Variants in BCAS4 observed in about 807,000 individuals in gnomAD.
BCAS4 encodes the protein breast carcinoma amplified sequence 4.
In BCAS4, 9 loss-of-function variants were observed where a neutral mutation model predicts 15.7. The ratio of observed to expected loss-of-function variants is 0.57; its 90% CI spans 0.34 to 1.00. BCAS4 has a LOEUF of 1.00. BCAS4 is among the 50% of genes least tolerant of loss of function. The pLI is 0.02. For synonymous variants in BCAS4, 101 were observed against 99.5 expected (o/e 1.02, Z -0.09); for missense variants, 225 against 239.1 (o/e 0.94, Z 0.39).
intron 4 of BCAS4, among the ~76,000 whole-genome samples, chr20:50,852,707 G>A (rs1368092225): frequency 1.3e-5 from 2 of 152,198 alleles, no homozygotes; most frequent in South Asian, 4.1e-4. Flanking sequence ...TTAAAAGAGC[G>A]GATGCAGATT....
At chr20:50,841,941 C>A in intron 4 of BCAS4, 41 bp downstream of exon 4, 1 of 1,523,096 alleles carries the variant, frequency 6.6e-7, no homozygotes, top group East Asian at 2.3e-5. Context: ...GGGCCTCTCC[C>A]CCTTCGCTCC....
rs117670557 is a variant in BCAS4, at chr20:50,850,879, C to T, written c.399+8979C>T. On this transcript the variant is annotated intron_variant, in intron 4 of 4. Transcript: ENST00000371608. Reference sequence around the variant, plus strand: ...CCTGCCTCCCAGATTTCTTAGGGGGCGTGTCCAGGCACTGGAAGGCTGGAG... The same window carrying T: ...CCTGCCTCCCAGATTTCTTAGGGGGTGTGTCCAGGCACTGGAAGGCTGGAG... 7.4e-3 allele frequency among the ~76,000 whole-genome samples: 1,122 copies of T among 152,274 alleles called. 6 individuals carry two copies. The highest frequency in any genetic ancestry group is 0.014 in the Middle Eastern group (4 of 294).
At chr20:50,863,938 T>A (rs1292692960) in intron 4 of BCAS4, among the ~76,000 whole-genome samples, 1 of 152,234 alleles carries the variant, frequency 6.6e-6, no homozygotes, top group African/African-American at 2.4e-5. Context: ...CAAATCCATC[T>A]GCTCATGTGC....
intron 4 of BCAS4, among the ~76,000 whole-genome samples, chr20:50,868,277 AG>A (rs1979455883): frequency 6.6e-6 from 1 of 152,266 alleles, no homozygotes; most frequent in Non-Finnish European, 1.5e-5. Context: ...CTTTGAAAGC[AG>A]GTCACTAAGT....
At chr20:50,849,674 C>T (rs913469053) in intron 4 of BCAS4, among the ~76,000 whole-genome samples, 21 of 152,334 alleles carry the variant, frequency 1.4e-4, no homozygotes, top group African/African-American at 5.1e-4. Context: ...CTTTGCCTGG[C>T]GCCAGCCTCG....
At position 50,818,300 on chromosome 20, in the gene BCAS4, A is replaced by T; in HGVS notation, c.162+18A>T. 6.2e-7 allele frequency: 1 copy of T among 1,610,676 alleles called. No homozygotes were observed. The highest frequency in any genetic ancestry group is 8.5e-7 in the Non-Finnish European group (1 of 1,178,648). On this transcript the variant is annotated intron_variant, in intron 2 of 4. Coordinates refer to ENST00000371608, the MANE Select transcript of BCAS4 (RefSeq NM_198799.4). ...CTGACCTGGTGAGTGGCTGCCTGGA[A>T]GGCGTGGGTTTAGGCCCAGGCCAGA... is the stretch of plus-strand genomic sequence containing the variant.
rs1979957745 is a variant in BCAS4 at position 50,876,532 on chromosome 20, A to G, written c.446A>G (p.Tyr149Cys). The change falls in exon 5 of 5, where the codon TAT becomes TGT. Residue 149 changes from tyrosine to cysteine, a missense_variant. By Grantham distance (194) the Tyr-to-Cys change is radical. Transcript: ENST00000371608. ...GTGACGTACGAGCTGCCCACACTGT[A>G]TAGGACGGAGGACTATTTTCCTGTG... is the stretch of plus-strand genomic sequence containing the variant. ...VPVTYELPTL[Y>C]RTEDYFPVDA... 11 of 1,613,898 alleles carry G rather than the reference A, an allele frequency of 6.8e-6. No homozygotes were observed. Among genetic ancestry groups the G allele is most frequent in the African/African-American group, 1.3e-5 (1 of 74,898 alleles).
chr20:50,803,246 A>C (rs57527380), intron 1 of BCAS4, among the ~76,000 whole-genome samples: 21,166 of 152,276 alleles, frequency 0.14, 1,563 homozygotes, highest in South Asian at 0.16. Flanking sequence ...CCAGTGCCAT[A>C]GCGATTCTTC....
At chr20:50,797,570 G>A (rs952812331) in intron 1 of BCAS4, among the ~76,000 whole-genome samples, 4 of 151,936 alleles carry the variant, frequency 2.6e-5, no homozygotes, top group African/African-American at 7.3e-5. Flanking sequence ...AAAATAACAC[G>A]AACAAAAATT....
intron 1 of BCAS4, among the ~76,000 whole-genome samples, chr20:50,809,588 G>C (rs1392545894): frequency 6.6e-6 from 1 of 152,030 alleles, no homozygotes; most frequent in Admixed American, 6.6e-5. Context: ...GGCTGTGAGG[G>C]CTCTTTTTTG....
At chr20:50,827,078 C>T (rs930098781) in intron 2 of BCAS4, among the ~76,000 whole-genome samples, 6 of 152,208 alleles carry the variant, frequency 3.9e-5, no homozygotes, top group African/African-American at 1.2e-4. Context: ...CTGAACTCCA[C>T]GCTTTGTTTT....
At chr20:50,863,563 G>C (rs2123839533) in intron 4 of BCAS4, among the ~76,000 whole-genome samples, 1 of 152,222 alleles carries the variant, frequency 6.6e-6, no homozygotes, top group East Asian at 1.9e-4. Flanking sequence ...CGGCCTAGTT[G>C]GTGCTATTTT....
chr20:50,837,431 A>G (rs1471488523), intron 3 of BCAS4, among the ~76,000 whole-genome samples: 1 of 152,194 alleles, frequency 6.6e-6, no homozygotes, highest in Non-Finnish European at 1.5e-5. Context: ...CCAGGGGGGA[A>G]AATGTGTTCA....
At position 50,851,417 on chromosome 20, in the gene BCAS4, G is replaced by A. The variant is rs1438705613; in HGVS notation, c.399+9517G>A. ...TTTCCTTCAAGGTCTTTGGTGGAGT[G>A]CTATAGGGGGACGGAGGGTTCCTGG... On this transcript the variant is annotated intron_variant, in intron 4 of 4. Coordinates refer to ENST00000371608, the MANE Select transcript of BCAS4 (RefSeq NM_198799.4). The surrounding 1 kb of genome is among the most constrained non-coding windows in gnomAD (Gnocchi z 4.3). 8.5e-5 allele frequency among the ~76,000 whole-genome samples: 13 copies of A among 152,166 alleles called. No homozygotes were observed. Among genetic ancestry groups the A allele is most frequent in the Non-Finnish European group, 4.4e-5 (3 of 68,028 alleles).
At chr20:50,831,020 G>A (rs528665095) in intron 3 of BCAS4, among the ~76,000 whole-genome samples, 2 of 152,082 alleles carry the variant, frequency 1.3e-5, no homozygotes, top group South Asian at 2.1e-4. Flanking sequence ...ATGTATACAC[G>A]CCTAAGTATG....
Position 50,840,779 on chromosome 20 carries a change from G to A in BCAS4, c.265-987G>A, listed in dbSNP as rs1395216618. On this transcript the variant is annotated intron_variant, in intron 3 of 4. Coordinates refer to ENST00000371608, the MANE Select transcript of BCAS4 (RefSeq NM_198799.4). ...ACGGAGGAGAAGCGGAGCGAGGCACGCGAGAACGAGCGAAGTCTGGTCTGC... is the reference window on the plus strand; with the variant it reads ...ACGGAGGAGAAGCGGAGCGAGGCACACGAGAACGAGCGAAGTCTGGTCTGC... 2.8e-5 allele frequency: 42 copies of A among 1,501,222 alleles called. No homozygotes were observed. In the East Asian group the frequency reaches 5.2e-4, roughly 19 times the overall value. 93.0% of individuals were successfully genotyped at this position (1,501,222 alleles called of 1,614,324 possible).
chr20:50,823,513 C>A (rs1185439311), intron 2 of BCAS4, among the ~76,000 whole-genome samples: 1 of 152,160 alleles, frequency 6.6e-6, no homozygotes, highest in Admixed American at 6.5e-5. Flanking sequence ...TGATCTCACA[C>A]ATATGATATT....
At chr20:50,863,051 G>A (rs1173359454) in intron 4 of BCAS4, among the ~76,000 whole-genome samples, 5 of 151,832 alleles carry the variant, frequency 3.3e-5, no homozygotes, top group Admixed American at 6.6e-5. Flanking sequence ...GGCTGGTCTC[G>A]AACTCCTGAG....
rs568376623 is a variant in BCAS4, at chr20:50,818,726, C to T, written c.162+444C>T. ...GAGGAGCCTCTTGCCCAGGCCACAG[C>T]CCGTGGTGGAGTTGGGCATCGAGTT... On this transcript the variant is annotated intron_variant, in intron 2 of 4. Coordinates refer to ENST00000371608, the MANE Select transcript of BCAS4 (RefSeq NM_198799.4). Among the ~76,000 whole-genome samples the T allele has an allele frequency of 2.3e-4, 35 of 152,346 alleles. 1 individual carries two copies. In the Middle Eastern group the frequency reaches 0.024, roughly 104 times the overall value.
Sources: gnomAD v4.1 joint callset for allele counts (sites outside exome capture counted in the v4.1 genomes callset) on GRCh38, gnomAD v4.1.1 for gene constraint, Gnocchi (gnomAD v3.1) non-coding constraint, MANE v1.5 for transcripts, NCBI Gene and HGNC (gene_info 2026-07-23, HGNC 2026-07-21) for gene names.